UBE2N: variants seen among roughly 807,000 people sequenced by gnomAD.
UBE2N encodes ubiquitin conjugating enzyme E2 N, also known as ubiquitin-conjugating enzyme E2 N.
For synonymous variants in UBE2N, 70 were observed against 69.2 expected (o/e 1.01, Z -0.06); for missense variants, 60 against 192.1 (o/e 0.31, Z 4.07).
intron 1 of UBE2N, among the ~76,000 whole-genome samples, chr12:93,412,480 A>G (rs982729414): frequency 1.4e-4 from 21 of 152,368 alleles, no homozygotes; most frequent in African/African-American, 4.8e-4. Flanking sequence ...GTTCTTCGGT[A>G]CCATAAAGAA....
intron 1 of UBE2N, among the ~76,000 whole-genome samples, chr12:93,417,188 T>C (rs2121065977): frequency 6.6e-6 from 1 of 152,216 alleles, no homozygotes; most frequent in East Asian, 1.9e-4. Flanking sequence ...ACGCATACAA[T>C]AGTTAATGCT....
intron 1 of UBE2N, among the ~76,000 whole-genome samples, chr12:93,433,721 T>G (rs1034848719): frequency 6.6e-6 from 1 of 152,236 alleles, no homozygotes; most frequent in African/African-American, 2.4e-5. Context: ...CAAAAGCCCC[T>G]GCTGGATGCT....
intron 1 of UBE2N, among the ~76,000 whole-genome samples, chr12:93,413,336 T>G (rs531642264): frequency 2.6e-5 from 4 of 152,284 alleles, no homozygotes. Context: ...AACACTGAAA[T>G]GCACTGGGGC....
At chr12:93,411,670 A>C (rs568692129) in intron 1 of UBE2N, among the ~76,000 whole-genome samples, 21 of 152,218 alleles carry the variant, frequency 1.4e-4, no homozygotes, top group African/African-American at 4.8e-4. Flanking sequence ...AAGTAAAATT[A>C]GCTTTTTTGG....
At position 93,409,419 on chromosome 12, in the gene UBE2N, C is replaced by T. The variant is rs1330899197; in HGVS notation, c.*620G>A. On this transcript the variant is annotated 3_prime_UTR_variant, in exon 4 of 4. Transcript: ENST00000318066. ...TACAGAAGTTTCCAGACAAGCCATA[C>T]AAAATGGTCACAAGCTTTTTTTGAA... The T allele has an allele frequency of 1.8e-5, 3 of 166,850 alleles. No homozygotes were observed. Among genetic ancestry groups the T allele is most frequent in the Non-Finnish European group, 4.4e-5 (3 of 68,114 alleles). 10.3% of individuals were successfully genotyped at this position (166,850 alleles called of 1,614,324 possible). A position where few individuals can be genotyped will look rare whatever the true frequency, so the allele number is the denominator to read the frequency against.
chr12:93,425,758 C>T (rs1215329123), intron 1 of UBE2N, among the ~76,000 whole-genome samples: 5 of 152,212 alleles, frequency 3.3e-5, no homozygotes, highest in East Asian at 1.9e-4. Flanking sequence ...CTATTTCACA[C>T]GTCTGTCCAA....
At chr12:93,438,627 T>A (rs547280158) in intron 1 of UBE2N, among the ~76,000 whole-genome samples, 1 of 152,052 alleles carries the variant, frequency 6.6e-6, no homozygotes, top group East Asian at 1.9e-4. Flanking sequence ...ACCTCTACAG[T>A]TTTTAGCAGG....
intron 1 of UBE2N, among the ~76,000 whole-genome samples, chr12:93,414,929 A>G (rs1214739561): frequency 6.6e-6 from 1 of 152,232 alleles, no homozygotes; most frequent in Non-Finnish European, 1.5e-5. Flanking sequence ...TGCCTGGCAC[A>G]ATAGATATTC....
At chr12:93,419,460 C>T (rs1878336851) in intron 1 of UBE2N, among the ~76,000 whole-genome samples, 1 of 151,924 alleles carries the variant, frequency 6.6e-6, no homozygotes, top group South Asian at 2.1e-4. Context: ...ACAACAGTTG[C>T]TGTTTGCTAC....
In UBE2N at chr12:93,408,810, T is replaced by C. The variant is rs528127135; in HGVS notation, c.*1229A>G. 2.6e-5 allele frequency: 4 copies of C among 152,526 alleles called. No individual in the cohort carries two copies. Among genetic ancestry groups the C allele is most frequent in the African/African-American group, 7.2e-5 (3 of 41,562 alleles). The allele number at this position is 152,526 out of a possible 1,614,324, so 9.4% of individuals were successfully genotyped here. On this transcript the variant is annotated 3_prime_UTR_variant, in exon 4 of 4. Transcript: ENST00000318066. ...TGACACACAAGCTAGATAGTTGAGATCTGCTCATCAGGTTTATAAGGAAGA... is the reference window on the plus strand; with the variant it reads ...TGACACACAAGCTAGATAGTTGAGACCTGCTCATCAGGTTTATAAGGAAGA...
In UBE2N at chr12:93,423,056, G is replaced by A. The variant is rs1878467478; in HGVS notation, c.31-11757C>T. On this transcript the variant is annotated intron_variant, in intron 1 of 3. Coordinates refer to ENST00000318066, the MANE Select transcript of UBE2N (RefSeq NM_003348.4). ...ACAAGCAAAGAAATAACCCATTCTG[G>A]AGAGAACTGCAGTAGTTACCACTAA... Among the ~76,000 whole-genome samples the A allele has an allele frequency of 7.9e-5, 12 of 152,326 alleles. 1 individual carries two copies. Among genetic ancestry groups the A allele is most frequent in the Middle Eastern group, 3.4e-3 (1 of 294 alleles).
intron 3 of UBE2N, 137 bp from the exon 4 acceptor site, chr12:93,410,216 A>G: frequency 1.3e-6 from 1 of 794,790 alleles, no homozygotes; most frequent in South Asian, 1.8e-5. Context: ...CTTTTTCTAT[A>G]AATTGGATCA....
chr12:93,415,705 C>T (rs1565792603), intron 1 of UBE2N, among the ~76,000 whole-genome samples: 1 of 151,992 alleles, frequency 6.6e-6, no homozygotes, highest in Non-Finnish European at 1.5e-5. Context: ...TTAATTTTAC[C>T]CCAGGTCTTC....
At chr12:93,434,278 G>A (rs536611660) in intron 1 of UBE2N, among the ~76,000 whole-genome samples, 164 of 152,204 alleles carry the variant, frequency 1.1e-3, no homozygotes, top group Middle Eastern at 3.4e-3. Context: ...GCGACAGAGC[G>A]AGACTCCGTC....
At chr12:93,440,725 C>T (rs1592753488) in intron 1 of UBE2N, among the ~76,000 whole-genome samples, 1 of 152,158 alleles carries the variant, frequency 6.6e-6, no homozygotes, top group South Asian at 2.1e-4. Context: ...AACTAATTTC[C>T]TTCATAAAAA....
Position 93,433,123 on chromosome 12 carries a change from C to A in UBE2N, c.30+8732G>T, listed in dbSNP as rs571658458. Among the ~76,000 whole-genome samples, 12 of 151,966 alleles carry A rather than the reference C, an allele frequency of 7.9e-5. No individual in the cohort carries two copies. In the East Asian group the frequency reaches 2.3e-3, roughly 29 times the overall value. ...AATTTTTTTGTATTTTTAGTAGAGA[C>A]GGGGTTTCACCATGTTAGCCAGGAT... is the stretch of plus-strand genomic sequence containing the variant. On this transcript the variant is annotated intron_variant, in intron 1 of 3. Coordinates refer to ENST00000318066, the MANE Select transcript of UBE2N (RefSeq NM_003348.4).
At chr12:93,441,173 G>C (rs1226444657) in intron 1 of UBE2N, 2 of 152,280 alleles carry the variant, frequency 1.3e-5, no homozygotes, top group Admixed American at 1.3e-4. Context: ...AGAGATAAAC[G>C]AGCGGAAACG....
chr12:93,414,306 A>G (rs1361991613), intron 1 of UBE2N, among the ~76,000 whole-genome samples: 7 of 132,402 alleles, frequency 5.3e-5, no homozygotes, highest in Middle Eastern at 5.7e-3. Flanking sequence ...AAAATTAGCT[A>G]GGCATGGTGG....
At chr12:93,431,283 C>A (rs931939122) in intron 1 of UBE2N, among the ~76,000 whole-genome samples, 15 of 152,282 alleles carry the variant, frequency 9.9e-5, no homozygotes, top group Admixed American at 7.8e-4. Context: ...AACAAGTAAG[C>A]TAAGCACTTA....
Sources: gnomAD v4.1 joint callset for allele counts (sites outside exome capture counted in the v4.1 genomes callset) on GRCh38, gnomAD v4.1.1 for gene constraint, MANE v1.5 for transcripts, NCBI Gene and HGNC (gene_info 2026-07-23, HGNC 2026-07-21) for gene names.